DENND1A: variants seen among roughly 807,000 people sequenced by gnomAD.
The protein encoded by DENND1A is DENN domain-containing protein 1A.
In DENND1A, 51 loss-of-function variants were observed where a neutral mutation model predicts 113.7. The ratio of observed to expected loss-of-function variants is 0.45; its 90% CI spans 0.36 to 0.57. The LOEUF (loss-of-function observed/expected upper bound fraction) is 0.57, where lower values mean the gene tolerates loss of function less well. Ranked by LOEUF, DENND1A falls within the 20% of genes least tolerant of loss-of-function variation. The pLI, the probability that DENND1A is intolerant of heterozygous loss-of-function variation, is 0.00. For missense variants in DENND1A, 1,258 were observed against 1,395.9 expected, an observed-to-expected ratio of 0.90 and a Z score of 1.57; for synonymous variants, 565 against 570.8, an observed-to-expected ratio of 0.99 and a Z score of 0.14.
At chr9:123,707,117 G>A (rs1054741465) in intron 5 of DENND1A, among the ~76,000 whole-genome samples, 6 of 152,058 alleles carry the variant, frequency 3.9e-5, no homozygotes, top group Admixed American at 2.0e-4. Flanking sequence ...GCTCAGGGCC[G>A]GGCGCGGTGG....
At chr9:123,583,741 G>A (rs1326445688) in intron 11 of DENND1A, among the ~76,000 whole-genome samples, 1 of 152,180 alleles carries the variant, frequency 6.6e-6, no homozygotes, top group Non-Finnish European at 1.5e-5. Context: ...GGAATATTGT[G>A]TGTGGCCTAC....
At chr9:123,857,029 T>C (rs1005886696) in intron 2 of DENND1A, among the ~76,000 whole-genome samples, 1 of 151,638 alleles carries the variant, frequency 6.6e-6, no homozygotes, top group East Asian at 1.9e-4. Flanking sequence ...CAGAAATACA[T>C]ATAGATGTAC....
intron 13 of DENND1A, among the ~76,000 whole-genome samples, chr9:123,476,923 G>T (rs2049964150): frequency 6.6e-6 from 1 of 152,150 alleles, no homozygotes; most frequent in Admixed American, 6.5e-5. Context: ...GAGGGCGGTG[G>T]CTCTACTTCT....
rs1474126888 is a variant in DENND1A, at chr9:123,452,191, T to G, written c.1299+85A>C. 2.2e-6 allele frequency: 3 copies of G among 1,335,346 alleles called. No individual in the cohort carries two copies. In the African/African-American group the frequency reaches 4.3e-5, roughly 19 times the overall value. 82.7% of individuals were successfully genotyped at this position (1,335,346 alleles called of 1,614,324 possible). The stretch of plus-strand genomic sequence containing the variant: ...CCTGGGCAACAGAGCAAGACCCAGT[T>G]TCAAAAGTAAGTAAATAAATAAAGA... On this transcript the variant is annotated intron_variant, in intron 17 of 23. Transcript: ENST00000394215.
At chr9:123,616,526 T>C (rs2060656783) in intron 10 of DENND1A, among the ~76,000 whole-genome samples, 1 of 152,104 alleles carries the variant, frequency 6.6e-6, no homozygotes, top group African/African-American at 2.4e-5. Flanking sequence ...TATATGAATA[T>C]TTGCAACATA....
At chr9:123,599,807 T>C (rs1259056343) in intron 11 of DENND1A, among the ~76,000 whole-genome samples, 1 of 152,196 alleles carries the variant, frequency 6.6e-6, no homozygotes, top group Non-Finnish European at 1.5e-5. Flanking sequence ...CCTGGCCCAT[T>C]TAACGGCCTT....
intron 1 of DENND1A, among the ~76,000 whole-genome samples, chr9:123,914,544 C>CAAAAAA: frequency 1.5e-5 from 1 of 65,242 alleles, no homozygotes; most frequent in Non-Finnish European, 3.4e-5. Context: ...GACTCCATCT[C>CAAAAAA]AAAAAAAAAA....
At chr9:123,827,910 C>T (rs1839607084) in intron 2 of DENND1A, among the ~76,000 whole-genome samples, 1 of 152,154 alleles carries the variant, frequency 6.6e-6, no homozygotes, top group Non-Finnish European at 1.5e-5. Flanking sequence ...TAATATAAAT[C>T]CTCTCTGGAG....
chr9:123,900,081 A>G (rs1011038271), intron 1 of DENND1A, among the ~76,000 whole-genome samples: 4 of 152,228 alleles, frequency 2.6e-5, no homozygotes, highest in African/African-American at 9.6e-5. Flanking sequence ...AAAGCACAAC[A>G]TTAGCCTAAG....
chr9:123,920,785 C>T (rs1856100402), intron 1 of DENND1A, among the ~76,000 whole-genome samples: 1 of 151,228 alleles, frequency 6.6e-6, no homozygotes, highest in Admixed American at 6.6e-5. Context: ...GTTGGCCCAA[C>T]TGATCTCGAA....
At chr9:123,768,227 T>C (rs1172486396) in intron 4 of DENND1A, among the ~76,000 whole-genome samples, 1 of 152,188 alleles carries the variant, frequency 6.6e-6, no homozygotes, top group Non-Finnish European at 1.5e-5. Context: ...AATGGTTGAT[T>C]GGCTTAAGAA....
Position 123,564,980 on chromosome 9 carries a change from C to CTTTTT in DENND1A, c.868-7290_868-7286dup, listed in dbSNP as rs199613371. ...AGAATCCAATTAATGTCTGTCCCTT[C>CTTTTT]TTTTTTTTTTTTTTTTTTTTTTTTT... On this transcript the variant is annotated intron_variant, in intron 12 of 23. Transcript: ENST00000394215. Among the ~76,000 whole-genome samples, 524 of 75,702 alleles carry CTTTTT rather than the reference C, an allele frequency of 6.9e-3. 32 individuals carry two copies. Among genetic ancestry groups the CTTTTT allele is most frequent in the African/African-American group, 0.011 (205 of 19,032 alleles). 49.7% of individuals were successfully genotyped at this position (75,702 alleles called of 152,430 possible).
chr9:123,635,207 C>T (rs1172046983), intron 9 of DENND1A, among the ~76,000 whole-genome samples: 1 of 152,142 alleles, frequency 6.6e-6, no homozygotes, highest in Non-Finnish European at 1.5e-5. Context: ...AATAAGAATG[C>T]CCCCTCCAAA....
chr9:123,910,403 C>T (rs927964656), intron 1 of DENND1A, among the ~76,000 whole-genome samples: 1 of 152,010 alleles, frequency 6.6e-6, no homozygotes, highest in Non-Finnish European at 1.5e-5. Context: ...AAATGGACAA[C>T]CACATGAGGG....
chr9:123,478,443 CT>C (rs1266506473), intron 13 of DENND1A, among the ~76,000 whole-genome samples: 2 of 152,234 alleles, frequency 1.3e-5, no homozygotes, highest in Non-Finnish European at 2.9e-5. Flanking sequence ...CCAACACTGG[CT>C]AGCAGGTGTC....
chr9:123,740,243 T>C (rs150634661), intron 5 of DENND1A, among the ~76,000 whole-genome samples: 2 of 152,338 alleles, frequency 1.3e-5, no homozygotes, highest in African/African-American at 2.4e-5. Context: ...CACAATTCTC[T>C]ATGCTGCTTA....
chr9:123,543,548 A>T (rs941894815), intron 13 of DENND1A, among the ~76,000 whole-genome samples: 7 of 152,134 alleles, frequency 4.6e-5, no homozygotes, highest in African/African-American at 1.7e-4. Flanking sequence ...TGGCCTGGAA[A>T]CTGACCACTC....
At chr9:123,824,925 T>C (rs1839068135) in intron 2 of DENND1A, among the ~76,000 whole-genome samples, 1 of 152,146 alleles carries the variant, frequency 6.6e-6, no homozygotes, top group Non-Finnish European at 1.5e-5. Context: ...AAAGCTAGAA[T>C]GAGTAAAATT....
intron 13 of DENND1A, among the ~76,000 whole-genome samples, chr9:123,472,123 C>G (rs2049476274): frequency 6.6e-6 from 1 of 152,198 alleles, no homozygotes; most frequent in South Asian, 2.1e-4. Context: ...CAGGGGAGAT[C>G]AACGTCCTTT....
Sources: allele counts gnomAD v4.1 joint callset (sites outside exome capture counted in the v4.1 genomes callset), GRCh38; gene constraint gnomAD v4.1.1; transcripts MANE v1.5; gene names NCBI Gene and HGNC (gene_info 2026-07-23, HGNC 2026-07-21).